LRRC28: variants seen among roughly 807,000 people sequenced by gnomAD.
The protein encoded by LRRC28 is leucine-rich repeat-containing protein 28.
LRRC28 carries 39 observed loss-of-function variants against 45.7 expected under a neutral mutation model. The observed-to-expected ratio is 0.85, with a 90% confidence interval of 0.66 to 1.12. The LOEUF is 1.12. LRRC28 is among the 50% of genes most tolerant of loss of function. The probability of loss-of-function intolerance (pLI) is 0.00; values close to 1 mark genes in which losing one functional copy is unlikely to be tolerated. For missense variants in LRRC28, 435 were observed against 438.5 expected, an observed-to-expected ratio of 0.99 and a Z score of 0.07; for synonymous variants, 206 against 178.8, an observed-to-expected ratio of 1.15 and a Z score of -1.22.
At chr15:99,371,958 T>C (rs1175403920) in intron 9 of LRRC28, among the ~76,000 whole-genome samples, 1 of 152,214 alleles carries the variant, frequency 6.6e-6, no homozygotes, top group Non-Finnish European at 1.5e-5. Context: ...CATTTCTGTT[T>C]CTGTTTCTGC....
chr15:99,263,484 A>T (rs1462772809), intron 2 of LRRC28, among the ~76,000 whole-genome samples: 1 of 152,220 alleles, frequency 6.6e-6, no homozygotes, highest in Non-Finnish European at 1.5e-5. Flanking sequence ...TAGAAGTAAT[A>T]TAGGGTCTGG....
intron 9 of LRRC28, among the ~76,000 whole-genome samples, chr15:99,374,238 G>A (rs377507692): frequency 3.3e-5 from 5 of 152,206 alleles, no homozygotes; most frequent in East Asian, 1.9e-4. Context: ...AACATGATGC[G>A]TCTCTCCATT....
intron 9 of LRRC28, among the ~76,000 whole-genome samples, chr15:99,379,158 G>T (rs187211527): frequency 3.9e-5 from 6 of 152,206 alleles, no homozygotes; most frequent in African/African-American, 1.2e-4. Context: ...CTGTGAATTT[G>T]TCTGGTCCTG....
At chr15:99,322,131 G>A (rs549885912) in intron 5 of LRRC28, among the ~76,000 whole-genome samples, 2 of 152,258 alleles carry the variant, frequency 1.3e-5, no homozygotes, top group East Asian at 3.9e-4. Context: ...ACAGAAGGAA[G>A]GACAAGGTAA....
At chr15:99,290,783 T>A (rs2082101418) in intron 5 of LRRC28, among the ~76,000 whole-genome samples, 1 of 151,942 alleles carries the variant, frequency 6.6e-6, no homozygotes, top group Non-Finnish European at 1.5e-5. Context: ...TAGTGAGGCT[T>A]TGTCTCTACT....
chr15:99,372,447 G>A (rs1957509669), intron 9 of LRRC28, among the ~76,000 whole-genome samples: 1 of 152,100 alleles, frequency 6.6e-6, no homozygotes, highest in African/African-American at 2.4e-5. Flanking sequence ...GATGTCTCTG[G>A]TGCCACAGTT....
intron 1 of LRRC28, among the ~76,000 whole-genome samples, chr15:99,254,424 C>T (rs1428320196): frequency 3.9e-5 from 6 of 152,138 alleles, no homozygotes; most frequent in Non-Finnish European, 5.9e-5. Flanking sequence ...ATGTTGCTGC[C>T]TTTTGTACTA....
chr15:99,303,962 T>C (rs1417219864), intron 5 of LRRC28, among the ~76,000 whole-genome samples: 1 of 152,262 alleles, frequency 6.6e-6, no homozygotes, highest in Non-Finnish European at 1.5e-5. Flanking sequence ...TTGTTTACAT[T>C]GTTATCAGTT....
At chr15:99,355,530 A>C (rs1173526739) in intron 7 of LRRC28, 1 of 152,196 alleles carries the variant, frequency 6.6e-6, no homozygotes, top group Non-Finnish European at 1.5e-5. Context: ...TGCTAGCCTC[A>C]TGGAAAAGAA....
chr15:99,356,573 T>C (rs1449435679), intron 7 of LRRC28, among the ~76,000 whole-genome samples: 1 of 152,150 alleles, frequency 6.6e-6, no homozygotes, highest in African/African-American at 2.4e-5. Flanking sequence ...AAGAATCTTA[T>C]GCATGTATAA....
In LRRC28 at chr15:99,284,740, A is replaced by G. The variant is rs1414581027; in HGVS notation, c.210-2517A>G. ...CATAGGAGCCAGAGCTTCTGCCACC[A>G]TTGTCCTCCCTTCATGGGTTCAAAA... On this transcript the variant is annotated intron_variant, in intron 3 of 9. Transcript: ENST00000301981. The G allele has an allele frequency of 5.7e-6, 3 of 523,138 alleles. No individual in the cohort carries two copies. In the African/African-American group the frequency reaches 5.8e-5, roughly 10 times the overall value. The allele number at this position is 523,138 out of a possible 1,614,324, so 32.4% of individuals were successfully genotyped here.
chr15:99,268,367 G>T (rs994080614), intron 2 of LRRC28, among the ~76,000 whole-genome samples: 8 of 152,108 alleles, frequency 5.3e-5, no homozygotes, highest in African/African-American at 1.9e-4. Flanking sequence ...TCTGCCTAGG[G>T]AGTTAGGAGG....
chr15:99,299,417 T>C (rs1028423726), intron 5 of LRRC28, among the ~76,000 whole-genome samples: 5 of 152,186 alleles, frequency 3.3e-5, no homozygotes, highest in African/African-American at 1.2e-4. Flanking sequence ...TTATGTAGAT[T>C]GATATAATAT....
rs1248036938 is a variant in LRRC28, at chr15:99,387,153, C to CA, written c.*1051_*1052insA. ...TCGGCTCACTGCAAGCTCCGCCTCC[C>CA]GGGTTCACGCCATTCTCCTGCCTCA... On this transcript the variant is annotated 3_prime_UTR_variant, in exon 10 of 10. Transcript: ENST00000301981. The CA allele has an allele frequency of 1.3e-5, 2 of 149,862 alleles. No homozygotes were observed. Among genetic ancestry groups the CA allele is most frequent in the East Asian group, 2.0e-4 (1 of 5,024 alleles). 9.3% of individuals were successfully genotyped at this position (149,862 alleles called of 1,614,324 possible).
intron 9 of LRRC28, among the ~76,000 whole-genome samples, chr15:99,376,442 G>T (rs1303997245): frequency 6.6e-6 from 1 of 151,984 alleles, no homozygotes; most frequent in Non-Finnish European, 1.5e-5. Context: ...TTCTTTTCTA[G>T]TATGTGTGTT....
intron 2 of LRRC28, among the ~76,000 whole-genome samples, chr15:99,275,603 C>A (rs2081596368): frequency 6.6e-6 from 1 of 152,170 alleles, no homozygotes; most frequent in South Asian, 2.1e-4. Context: ...AAAATGTATT[C>A]TCTGACAGTT....
chr15:99,260,020 A>G, intron 2 of LRRC28: 1 of 591,098 alleles, frequency 1.7e-6, no homozygotes, highest in Non-Finnish European at 3.2e-6. Context: ...ATGAATTGTA[A>G]ATTATACTCT....
chr15:99,268,505 A>G (rs1037452441), intron 2 of LRRC28, among the ~76,000 whole-genome samples: 4 of 152,206 alleles, frequency 2.6e-5, no homozygotes, highest in African/African-American at 7.2e-5. Context: ...TGTTTCCACA[A>G]GTTTAAATTC....
chr15:99,350,140 C>T (rs1198729439), intron 6 of LRRC28, among the ~76,000 whole-genome samples: 1 of 103,086 alleles, frequency 9.7e-6, no homozygotes, highest in East Asian at 2.5e-4. Flanking sequence ...GAGACTCCGT[C>T]TCAAAAAAAA....
Sources: gnomAD v4.1 joint callset for allele counts (sites outside exome capture counted in the v4.1 genomes callset) on GRCh38, gnomAD v4.1.1 for gene constraint, MANE v1.5 for transcripts, NCBI Gene and HGNC (gene_info 2026-07-23, HGNC 2026-07-21) for gene names.